The following CFAP276 variants were observed in gnomAD, a reference collection of about 807,000 sequenced individuals.
The protein encoded by CFAP276 is cilia and flagella associated protein 276.
chr1:109,107,250 C>T, the CFAP276 span: 14 of 690,822 alleles, frequency 2.0e-5, no homozygotes, highest in African/African-American at 1.4e-4. Flanking sequence ...TCCACCAACT[C>T]CGTACACACT....
At chr1:109,107,827 A>G in the CFAP276 span, 1 of 1,024,108 alleles carries the variant, frequency 9.8e-7, no homozygotes, top group Non-Finnish European at 1.4e-6. Flanking sequence ...ACGGTAAACC[A>G]TGATCAGGCC....
chr1:109,111,153 G>T, the CFAP276 span, among the ~76,000 whole-genome samples: 1 of 152,074 alleles, frequency 6.6e-6, no homozygotes, highest in Non-Finnish European at 1.5e-5. Context: ...CCATCTGATT[G>T]TGTCACTGTG....
At chr1:109,111,497 G>T in the CFAP276 span, among the ~76,000 whole-genome samples, 1 of 146,444 alleles carries the variant, frequency 6.8e-6, no homozygotes, top group African/African-American at 2.6e-5. Flanking sequence ...ATCCCACAAT[G>T]ATTCCTCACA....
At chr1:109,108,416 T>A in the CFAP276 span, among the ~76,000 whole-genome samples, 1 of 152,212 alleles carries the variant, frequency 6.6e-6, no homozygotes, top group African/African-American at 2.4e-5. Flanking sequence ...GTGCTCAGAT[T>A]ACAGGTATGA....
At chr1:109,113,517 T>C in the CFAP276 span, 5 of 987,752 alleles carry the variant, frequency 5.1e-6, 2 homozygotes, top group South Asian at 6.8e-5. Flanking sequence ...ACTCCTCGCT[T>C]AAACTCGGAT....
At chr1:109,106,921 G>C in the CFAP276 span, 1 of 1,070,078 alleles carries the variant, frequency 9.3e-7, no homozygotes, top group Non-Finnish European at 1.4e-6. Context: ...AGTACCTAGT[G>C]ATTATCATTT....
chr1:109,106,463 C>A, the CFAP276 span: 7 of 1,552,608 alleles, frequency 4.5e-6, no homozygotes, highest in East Asian at 6.8e-5. Context: ...CACCTTAAAT[C>A]CCTGATTCAT....
chr1:109,110,061 A>T, the CFAP276 span, among the ~76,000 whole-genome samples: 1 of 152,142 alleles, frequency 6.6e-6, no homozygotes, highest in African/African-American at 2.4e-5. Context: ...GAAAGTCCAG[A>T]CTGTCAAGCA....
chr1:109,113,402 GAGAGAGAGAGAGAA>G, the CFAP276 span, among the ~76,000 whole-genome samples: 5 of 124,836 alleles, frequency 4.0e-5, no homozygotes, highest in African/African-American at 1.3e-4. Flanking sequence ...CAGAGAGAGA[GAGAGAGAGAGAGAA>G]AGAGAGAGAG....
chr1:109,111,248 C>A, the CFAP276 span, among the ~76,000 whole-genome samples: 1 of 152,164 alleles, frequency 6.6e-6, no homozygotes, highest in African/African-American at 2.4e-5. Flanking sequence ...AGGAGGATCA[C>A]TTGAGGCTAG....
the CFAP276 span, chr1:109,106,107 A>G: frequency 6.2e-7 from 1 of 1,606,444 alleles, no homozygotes; most frequent in Non-Finnish European, 8.5e-7. Context: ...CACTGTGGAG[A>G]AAAGAGAAGA....
the CFAP276 span, chr1:109,113,507 A>C: frequency 3.0e-6 from 3 of 1,009,230 alleles, no homozygotes; most frequent in East Asian, 8.4e-5. Context: ...GCTAAGGCAA[A>C]CTCCTCGCTT....
At chr1:109,109,959 G>A in the CFAP276 span, among the ~76,000 whole-genome samples, 2 of 152,148 alleles carry the variant, frequency 1.3e-5, no homozygotes, top group Admixed American at 1.3e-4. Flanking sequence ...GTCCTTTGAT[G>A]TGGCCCTGAG....
At chr1:109,113,467 A>AGAGAGG in the CFAP276 span, among the ~76,000 whole-genome samples, 318 of 126,342 alleles carry the variant, frequency 2.5e-3, 19 homozygotes, top group Non-Finnish European at 4.4e-3. Flanking sequence ...AGAGAGAGAG[A>AGAGAGG]GGCCCACGTG....
the CFAP276 span, chr1:109,106,148 T>G: frequency 6.6e-7 from 1 of 1,503,910 alleles, no homozygotes; most frequent in Non-Finnish European, 9.2e-7. Context: ...ATCGTTGGCC[T>G]TTTCTAGGAA....
chr1:109,107,207 A>T, the CFAP276 span: 3 of 1,010,258 alleles, frequency 3.0e-6, no homozygotes, highest in Non-Finnish European at 4.6e-6. Context: ...ACTCTTCCCC[A>T]AAAGTATAGT....
At chr1:109,110,399 A>G in the CFAP276 span, among the ~76,000 whole-genome samples, 2 of 152,206 alleles carry the variant, frequency 1.3e-5, no homozygotes, top group African/African-American at 4.8e-5. Context: ...CTTGCTAGTT[A>G]TCAATGATCT....
chr1:109,110,709 T>A, the CFAP276 span, among the ~76,000 whole-genome samples: 1 of 152,222 alleles, frequency 6.6e-6, no homozygotes, highest in East Asian at 1.9e-4. Flanking sequence ...CCATAGCTCA[T>A]ACGGATACAC....
At chr1:109,113,451 A>AGAGAGAGAGAGAGGGAGT in the CFAP276 span, among the ~76,000 whole-genome samples, 153 of 120,154 alleles carry the variant, frequency 1.3e-3, no homozygotes, top group East Asian at 9.1e-3. Context: ...AGAGAGAGAG[A>AGAGAGAGAGAGAGGGAGT]GAGAGAGAGA....
Sources: gnomAD v4.1 joint callset for allele counts (sites outside exome capture counted in the v4.1 genomes callset) on GRCh38, gnomAD v4.1.1 for gene constraint, MANE v1.5 for transcripts, NCBI Gene and HGNC (gene_info 2026-07-23, HGNC 2026-07-21) for gene names.